Variants in CFAP44 observed in about 807,000 individuals in gnomAD.
CFAP44 encodes the protein cilia and flagella associated protein 44, also known as cilia- and flagella-associated protein 44.
CFAP44 carries 134 observed loss-of-function variants against 216.2 expected under a neutral mutation model. The ratio of observed to expected loss-of-function variants is 0.62; its 90% CI spans 0.54 to 0.72. The LOEUF (loss-of-function observed/expected upper bound fraction) is 0.72, where lower values mean the gene tolerates loss of function less well. Ranked by LOEUF, CFAP44 falls within the 30% of genes least tolerant of loss-of-function variation. CFAP44 has a pLI of 0.00. For missense variants in CFAP44, 2,035 were observed against 2,182.1 expected, an observed-to-expected ratio of 0.93 and a Z score of 1.34; for synonymous variants, 700 against 727.6, an observed-to-expected ratio of 0.96 and a Z score of 0.61.
At chr3:113,439,227 C>T (rs889068961) in intron 1 of CFAP44, among the ~76,000 whole-genome samples, 1 of 152,096 alleles carries the variant, frequency 6.6e-6, no homozygotes, top group Non-Finnish European at 1.5e-5. Context: ...TAAAAGTTGT[C>T]AGAATTAGAA....
At chr3:113,332,988 G>A (rs1249030728) in intron 25 of CFAP44, among the ~76,000 whole-genome samples, 2 of 152,128 alleles carry the variant, frequency 1.3e-5, no homozygotes, top group East Asian at 1.9e-4. Context: ...GGAGTCTTCT[G>A]AGAAATGCTA....
chr3:113,426,343 T>G, intron 3 of CFAP44, 66 bp from the exon 4 acceptor site: 1 of 1,546,232 alleles, frequency 6.5e-7, no homozygotes, highest in Non-Finnish European at 8.8e-7. Context: ...AAATCTCAAC[T>G]TGAATTGTAG....
intron 17 of CFAP44, among the ~76,000 whole-genome samples, chr3:113,376,943 T>C (rs1401063288): frequency 1.3e-5 from 2 of 152,048 alleles, no homozygotes; most frequent in African/African-American, 4.8e-5. Flanking sequence ...TGAGAAGGGA[T>C]GGGATCAAGG....
At chr3:113,301,128 T>G (rs1239797296) in intron 32 of CFAP44, among the ~76,000 whole-genome samples, 1 of 152,144 alleles carries the variant, frequency 6.6e-6, no homozygotes, top group Non-Finnish European at 1.5e-5. Context: ...GAATGAATCA[T>G]TTTAGTAGAA....
intron 25 of CFAP44, 129 bp from the exon 26 acceptor site, chr3:113,330,797 C>T: frequency 8.0e-6 from 10 of 1,256,090 alleles, no homozygotes; most frequent in Non-Finnish European, 3.2e-6. Flanking sequence ...TCTGATCATA[C>T]CTTTTTACCA....
At chr3:113,369,165 T>G (rs137996514) in intron 18 of CFAP44, among the ~76,000 whole-genome samples, 3,674 of 152,058 alleles carry the variant, frequency 0.024, 77 homozygotes, top group Middle Eastern at 0.034. Context: ...ACTGTCATTA[T>G]TAGATCAACG....
chr3:113,310,373 C>T (rs1221333428), intron 28 of CFAP44, among the ~76,000 whole-genome samples: 1 of 152,230 alleles, frequency 6.6e-6, no homozygotes, highest in African/African-American at 2.4e-5. Context: ...CTGGAACCCA[C>T]ACCCATACAT....
intron 28 of CFAP44, among the ~76,000 whole-genome samples, chr3:113,315,890 G>A (rs1233814519): frequency 6.6e-6 from 1 of 152,218 alleles, no homozygotes; most frequent in Non-Finnish European, 1.5e-5. Context: ...AAGCTACTAT[G>A]TTTGGTAGGT....
chr3:113,370,158 G>A (rs961223849), intron 18 of CFAP44, among the ~76,000 whole-genome samples: 1 of 152,136 alleles, frequency 6.6e-6, no homozygotes, highest in African/African-American at 2.4e-5. Context: ...GGTACAAAGA[G>A]GAGCCAGTAC....
Position 113,420,026 on chromosome 3 carries a change from G to A in CFAP44, c.561C>T (p.Gly187=), listed in dbSNP as rs141154769. The A allele has an allele frequency of 1.4e-4, 230 of 1,612,608 alleles. No homozygotes were observed. Among genetic ancestry groups the A allele is most frequent in the Non-Finnish European group, 1.5e-4 (173 of 1,179,538 alleles). The change falls in exon 5 of 35, where the codon GGC becomes GGT. Residue 187 remains glycine (G), a synonymous_variant. Transcript: ENST00000393845. ...YLRSSSGEGI[G]VIGVHPHKTY... is the part of the protein sequence containing the mutation. ...TTTATTGAAGGCATACCCCAATGACGCCAATTCCTTCACCACTGCTACTTC... is the reference window on the plus strand; with the variant it reads ...TTTATTGAAGGCATACCCCAATGACACCAATTCCTTCACCACTGCTACTTC...
At chr3:113,418,800 A>G (rs1934725337) in intron 5 of CFAP44, among the ~76,000 whole-genome samples, 1 of 151,988 alleles carries the variant, frequency 6.6e-6, no homozygotes, top group African/African-American at 2.4e-5. Context: ...CCACTTCCCA[A>G]GTTCAAGTGG....
At chr3:113,350,637 T>C (rs1950435551) in intron 22 of CFAP44, among the ~76,000 whole-genome samples, 1 of 152,224 alleles carries the variant, frequency 6.6e-6, no homozygotes, top group Non-Finnish European at 1.5e-5. Context: ...TGACAACCCG[T>C]AGCCTTCCTA....
chr3:113,388,819 G>C (rs1933718225), intron 15 of CFAP44, among the ~76,000 whole-genome samples: 3 of 152,128 alleles, frequency 2.0e-5, no homozygotes, highest in African/African-American at 7.2e-5. Flanking sequence ...TTCAGTAAAA[G>C]GATATAACAA....
In CFAP44 at chr3:113,379,653, C is replaced by G. The variant is rs1020496474; in HGVS notation, c.2053-102G>C. 4.3e-5 allele frequency: 36 copies of G among 843,170 alleles called. No homozygotes were observed. The South Asian group carries it at 1.3e-3, about 29-fold the overall frequency. 52.2% of individuals were successfully genotyped at this position (843,170 alleles called of 1,614,324 possible). ...GAAAATAGAAAGAAGATACACAGCT[C>G]TGTAACAAATAATATTTAAAAATAC... On this transcript the variant is annotated intron_variant, in intron 16 of 34. Transcript: ENST00000393845.
At chr3:113,312,404 C>G (rs113404249) in intron 28 of CFAP44, among the ~76,000 whole-genome samples, 14,172 of 151,748 alleles carry the variant, frequency 0.093, 915 homozygotes, top group African/African-American at 0.17. Context: ...AGTTTTAAAA[C>G]GGAAACAGAG....
intron 6 of CFAP44, 102 bp from the exon 7 acceptor site, chr3:113,409,424 G>C (rs1197135012): frequency 1.0e-6 from 1 of 962,350 alleles, no homozygotes; most frequent in Non-Finnish European, 1.5e-6. Flanking sequence ...GGTGATGTAA[G>C]AATGCCAAGA....
intron 32 of CFAP44, among the ~76,000 whole-genome samples, chr3:113,301,997 T>C (rs942338857): frequency 8.1e-6 from 1 of 122,982 alleles, no homozygotes; most frequent in East Asian, 2.5e-4. Context: ...AACTTTTTTA[T>C]ACTCTGCATA....
intron 23 of CFAP44, among the ~76,000 whole-genome samples, 162 bp from the exon 24 acceptor site, chr3:113,342,080 C>T (rs1404338362): frequency 6.6e-6 from 1 of 152,168 alleles, no homozygotes; most frequent in African/African-American, 2.4e-5. Flanking sequence ...TGCCTGTAAT[C>T]CCAGCACTTT....
intron 22 of CFAP44, among the ~76,000 whole-genome samples, chr3:113,345,497 C>T (rs1483191840): frequency 6.6e-6 from 1 of 151,962 alleles, no homozygotes; most frequent in Non-Finnish European, 1.5e-5. Context: ...AAGTGCAAAC[C>T]TCTTCATTTC....
Sources: allele counts gnomAD v4.1 joint callset (sites outside exome capture counted in the v4.1 genomes callset), GRCh38; gene constraint gnomAD v4.1.1; transcripts MANE v1.5; gene names NCBI Gene and HGNC (gene_info 2026-07-23, HGNC 2026-07-21).